The following CNTNAP5 variants were observed in gnomAD, a reference collection of about 807,000 sequenced individuals.
CNTNAP5 encodes the protein contactin-associated protein-like 5.
CNTNAP5 carries 72 observed loss-of-function variants against 150.2 expected under a neutral mutation model. That is an observed-to-expected ratio of 0.48 (90% CI 0.40 to 0.58). The LOEUF (loss-of-function observed/expected upper bound fraction) is 0.58. Among genes scored for constraint, CNTNAP5 ranks in the 20% least tolerant of loss-of-function variants. The probability of loss-of-function intolerance (pLI) is 0.00; values close to 1 mark genes in which losing one functional copy is unlikely to be tolerated. For synonymous variants in CNTNAP5, 672 were observed against 619.8 expected (o/e 1.08, Z -1.25); for missense variants, 1,636 against 1,626.2 (o/e 1.01, Z -0.10).
At position 124,198,865 on chromosome 2, in the gene CNTNAP5, CTT is replaced by C. The variant is rs56176605; in HGVS notation, c.83-22827_83-22826del. 1.7e-3 allele frequency among the ~76,000 whole-genome samples: 237 copies of C among 139,202 alleles called. 2 individuals carry two copies. The East Asian group carries it at 0.023, about 14-fold the overall frequency. The allele number at this position is 139,202 out of a possible 152,430, so 91.3% of individuals were successfully genotyped here. A position where few individuals can be genotyped will look rare whatever the true frequency, so the allele number is the denominator to read the frequency against. ...TGCCAGATTTCTTGCCACATGATTT[CTT>C]TTTTTTTTTTTTCCATTAACTGTAA... On this transcript the variant is annotated intron_variant, in intron 1 of 23. Transcript: ENST00000682447.
intron 6 of CNTNAP5, among the ~76,000 whole-genome samples, chr2:124,466,550 A>G (rs1693382322): frequency 6.6e-6 from 1 of 152,228 alleles, no homozygotes; most frequent in South Asian, 2.1e-4. Flanking sequence ...TTCAGCAACT[A>G]TTAAGTGAAT....
chr2:124,058,403 C>T (rs1014543733), intron 1 of CNTNAP5, among the ~76,000 whole-genome samples: 7 of 152,058 alleles, frequency 4.6e-5, no homozygotes, highest in African/African-American at 9.7e-5. Flanking sequence ...CTTCCACTCC[C>T]GATTCACCTA....
intron 13 of CNTNAP5, among the ~76,000 whole-genome samples, chr2:124,688,798 A>G (rs1214107554): frequency 6.6e-6 from 1 of 152,092 alleles, no homozygotes; most frequent in Non-Finnish European, 1.5e-5. Context: ...CTGAGAGTTA[A>G]TTATTACAGG....
intron 1 of CNTNAP5, among the ~76,000 whole-genome samples, chr2:124,131,311 A>C (rs1683837786): frequency 6.6e-6 from 1 of 152,196 alleles, no homozygotes; most frequent in Non-Finnish European, 1.5e-5. Flanking sequence ...TCTATATGCA[A>C]AAGGCACCTT....
At chr2:124,041,925 C>T (rs908585716) in intron 1 of CNTNAP5, among the ~76,000 whole-genome samples, 1 of 151,998 alleles carries the variant, frequency 6.6e-6, no homozygotes, top group African/African-American at 2.4e-5. Flanking sequence ...GCAGTGGGGC[C>T]ATCTCACCTC....
rs564995655 is a variant in CNTNAP5 at position 124,305,276 on chromosome 2, A to C, written c.381+62883A>C. ...CTTGATGACAGTCTAAAAAAAAAAA[A>C]CAGACAAACAAAAAAGGTGACACTG... On this transcript the variant is annotated intron_variant, in intron 3 of 23. Transcript: ENST00000682447. Among the ~76,000 whole-genome samples, 14 of 151,966 alleles carry C rather than the reference A, an allele frequency of 9.2e-5. No individual in the cohort carries two copies. In the South Asian group the frequency reaches 2.5e-3, roughly 27 times the overall value.
chr2:124,541,488 T>C (rs968561748), intron 10 of CNTNAP5, among the ~76,000 whole-genome samples: 2 of 152,086 alleles, frequency 1.3e-5, no homozygotes, highest in Non-Finnish European at 2.9e-5. Context: ...GCTAGCAATT[T>C]GGTAAATCCC....
chr2:124,169,732 T>C (rs376835275), intron 1 of CNTNAP5, among the ~76,000 whole-genome samples: 4 of 152,288 alleles, frequency 2.6e-5, no homozygotes, highest in South Asian at 4.1e-4. Context: ...CAGAACAAAG[T>C]GAGGGCATAT....
At position 124,131,529 on chromosome 2, in the gene CNTNAP5, A is replaced by C. The variant is rs115644225; in HGVS notation, c.83-90176A>C. ...CTCCAGTCAGGAATTGGATTGTATC[A>C]TTGTTTCAGCAAATTCAATGATGTG... On this transcript the variant is annotated intron_variant, in intron 1 of 23. Coordinates refer to ENST00000682447, the MANE Select transcript of CNTNAP5 (RefSeq NM_001367498.1). Among the ~76,000 whole-genome samples the C allele has an allele frequency of 7.6e-3, 1,159 of 152,294 alleles. 10 individuals carry two copies. The highest frequency in any genetic ancestry group is 0.026 in the African/African-American group (1,081 of 41,556).
rs534040194 is a variant in CNTNAP5, at chr2:124,743,430, G to GC, written c.2078-3795dup. On this transcript the variant is annotated intron_variant, in intron 13 of 23. Coordinates refer to ENST00000682447, the MANE Select transcript of CNTNAP5 (RefSeq NM_001367498.1). Reference sequence around the variant, plus strand: ...TATGCAACTTGTGCTTTACCCATCAGCCCCTCCTGTGAGATGCTCTGATGG... The same window carrying GC: ...TATGCAACTTGTGCTTTACCCATCAGCCCCCTCCTGTGAGATGCTCTGATGG... 9.4e-3 allele frequency among the ~76,000 whole-genome samples: 1,430 copies of GC among 152,250 alleles called. 12 individuals carry two copies. Among genetic ancestry groups the GC allele is most frequent in the Non-Finnish European group, 0.013 (906 of 68,010 alleles).
At chr2:124,554,152 C>T (rs957449899) in intron 10 of CNTNAP5, among the ~76,000 whole-genome samples, 5 of 151,612 alleles carry the variant, frequency 3.3e-5, no homozygotes, top group African/African-American at 1.2e-4. Context: ...TCTAGCAGGT[C>T]TTAGCTATCA....
At chr2:124,890,250 G>A (rs1367524175) in intron 21 of CNTNAP5, among the ~76,000 whole-genome samples, 1 of 152,036 alleles carries the variant, frequency 6.6e-6, no homozygotes, top group African/African-American at 2.4e-5. Context: ...GGTCATAGAA[G>A]CTTGTTTTCC....
intron 1 of CNTNAP5, among the ~76,000 whole-genome samples, chr2:124,142,908 C>A (rs1172443647): frequency 3.4e-5 from 5 of 147,512 alleles, no homozygotes; most frequent in African/African-American, 5.1e-5. Context: ...ACTAATAAAG[C>A]AAAAAAGAGA....
At chr2:124,196,278 G>A (rs1416155865) in intron 1 of CNTNAP5, among the ~76,000 whole-genome samples, 6 of 152,136 alleles carry the variant, frequency 3.9e-5, no homozygotes, top group Non-Finnish European at 8.8e-5. Context: ...AGGGACTGGA[G>A]TGGATTTTCA....
chr2:124,323,498 A>G (rs1558850681), intron 3 of CNTNAP5, among the ~76,000 whole-genome samples: 1 of 152,200 alleles, frequency 6.6e-6, no homozygotes, highest in Non-Finnish European at 1.5e-5. Flanking sequence ...CAAATAAGTC[A>G]GGGGCAGAGG....
chr2:124,727,354 T>C (rs372173187), intron 13 of CNTNAP5, among the ~76,000 whole-genome samples: 35 of 152,150 alleles, frequency 2.3e-4, no homozygotes, highest in East Asian at 1.7e-3. Context: ...TTTTTCCTTT[T>C]TTGTGTGAAA....
intron 8 of CNTNAP5, among the ~76,000 whole-genome samples, chr2:124,511,666 T>C (rs1694594339): frequency 6.6e-6 from 1 of 152,182 alleles, no homozygotes; most frequent in South Asian, 2.1e-4. Flanking sequence ...TTCAAAGAAA[T>C]CATCAACCCA....
chr2:124,121,318 C>A (rs1683556404), intron 1 of CNTNAP5, among the ~76,000 whole-genome samples: 1 of 152,140 alleles, frequency 6.6e-6, no homozygotes, highest in Non-Finnish European at 1.5e-5. Flanking sequence ...CAGTGCGAAC[C>A]CTGACCAAAA....
chr2:124,184,966 A>T (rs1019266977), intron 1 of CNTNAP5, among the ~76,000 whole-genome samples: 1 of 152,220 alleles, frequency 6.6e-6, no homozygotes, highest in Non-Finnish European at 1.5e-5. Context: ...AAGGAGAAGT[A>T]TTCAAACATG....
Sources: gnomAD v4.1 joint callset for allele counts (sites outside exome capture counted in the v4.1 genomes callset) on GRCh38, gnomAD v4.1.1 for gene constraint, MANE v1.5 for transcripts, NCBI Gene and HGNC (gene_info 2026-07-23, HGNC 2026-07-21) for gene names.